Variants in BAZ1B observed in about 807,000 individuals in gnomAD.
BAZ1B encodes the protein tyrosine-protein kinase BAZ1B.
In BAZ1B, 22 loss-of-function variants were observed where a neutral mutation model predicts 153.8. The observed-to-expected ratio is 0.14, with a 90% CI of 0.10 to 0.20. The LOEUF (loss-of-function observed/expected upper bound fraction) is 0.20, where lower values mean the gene tolerates loss of function less well. BAZ1B is among the 10% of genes least tolerant of loss of function. The pLI is 1.00. For missense variants in BAZ1B, 1,325 were observed against 1,799.3 expected, an observed-to-expected ratio of 0.74 and a Z score of 4.77; for synonymous variants, 676 against 633.4, an observed-to-expected ratio of 1.07 and a Z score of -1.01.
intron 11 of BAZ1B, among the ~76,000 whole-genome samples, chr7:73,463,572 G>C (rs1173876131): frequency 6.6e-6 from 1 of 151,944 alleles, no homozygotes; most frequent in Non-Finnish European, 1.5e-5. Context: ...GGAAGGATTC[G>C]ATCTTCATAT....
chr7:73,476,228 G>A (rs1218262593), intron 7 of BAZ1B, among the ~76,000 whole-genome samples: 2 of 152,044 alleles, frequency 1.3e-5, no homozygotes, highest in African/African-American at 4.8e-5. Flanking sequence ...TTACAAAATT[G>A]GCAATGGTTG....
intron 4 of BAZ1B, among the ~76,000 whole-genome samples, chr7:73,493,897 C>G (rs1420105021): frequency 2.7e-5 from 4 of 149,682 alleles, no homozygotes; most frequent in Non-Finnish European, 3.0e-5. Flanking sequence ...TCAGAGATTG[C>G]AGATTGCAAG....
At position 73,442,504 on chromosome 7, in the gene BAZ1B, G is replaced by T. The variant is rs781968138; in HGVS notation, c.4144C>A (p.His1382Asn). 3 of 1,614,038 alleles carry T rather than the reference G, an allele frequency of 1.9e-6. No individual in the cohort carries two copies. Among genetic ancestry groups the T allele is most frequent in the Admixed American group, 1.7e-5 (1 of 60,000 alleles). Reference sequence around the variant, plus strand: ...TGCACTGTCTGAAAGTCCATGGGGTGCGTGATCACATCATAGTAGTCCTCG... The same window carrying T: ...TGCACTGTCTGAAAGTCCATGGGGTTCGTGATCACATCATAGTAGTCCTCG... Reference protein sequence around the residue: ...EAEDYYDVITHPMDFQTVQNK... With the variant: ...EAEDYYDVITNPMDFQTVQNK... The change falls in exon 19 of 20, where the codon CAC becomes AAC. Residue 1382 changes from histidine (H) to asparagine (N), a missense_variant. His to Asn is a moderately conservative substitution (Grantham distance 68). Around this residue, in one of 9 missense-constraint regions of BAZ1B, gnomAD observed 271 missense variants for 337.2 expected, o/e 0.80. Coordinates refer to ENST00000339594, the MANE Select transcript of BAZ1B (RefSeq NM_032408.4).
At chr7:73,457,199 A>T (rs1554569669) in intron 13 of BAZ1B, among the ~76,000 whole-genome samples, 2 of 151,906 alleles carry the variant, frequency 1.3e-5, no homozygotes, top group Non-Finnish European at 2.9e-5. Flanking sequence ...TTTTTTTGAG[A>T]TGGAGTTTTG....
chr7:73,463,717 G>T (rs528298366), intron 11 of BAZ1B, among the ~76,000 whole-genome samples: 1,718 of 146,860 alleles, frequency 0.012, 35 homozygotes, highest in African/African-American at 0.041. Context: ...TTTTTTTTTT[G>T]TTGTTTTTGA....
Position 73,508,370 on chromosome 7 carries a change from T to C in BAZ1B, c.326A>G (p.Glu109Gly). 1 of 1,613,998 alleles carries C rather than the reference T, an allele frequency of 6.2e-7. No homozygotes were observed. Among genetic ancestry groups the C allele is most frequent in the South Asian group, 1.1e-5 (1 of 91,052 alleles). The change falls in exon 3 of 20, where the codon GAG (glutamate) becomes GGG (glycine). Residue 109 changes from glutamate to glycine, a missense_variant. This residue lies in a region of BAZ1B where 153 missense variants were observed against 204.8 expected (regional missense o/e 0.75). Transcript: ENST00000339594. The stretch of plus-strand genomic sequence containing the variant: ...TCCCACAGCATATTTGGTCATGATC[T>C]CCAACCAAGCAGTATCTACTAACTT... ...LEKLVDTAWL[E>G]IMTKYAVGEE...
At chr7:73,513,601 G>A (rs1054493712) in intron 1 of BAZ1B, among the ~76,000 whole-genome samples, 2 of 152,066 alleles carry the variant, frequency 1.3e-5, no homozygotes, top group African/African-American at 4.8e-5. Flanking sequence ...ATCCCAAGAC[G>A]GATTTGTCTT....
chr7:73,470,148 C>T (rs1340746144), intron 8 of BAZ1B, among the ~76,000 whole-genome samples, 197 bp downstream of exon 8: 1 of 152,176 alleles, frequency 6.6e-6, no homozygotes, highest in Non-Finnish European at 1.5e-5. Context: ...TATGCAAGGG[C>T]AGGAATATGT....
intron 5 of BAZ1B, among the ~76,000 whole-genome samples, chr7:73,490,607 AT>A (rs34937645): frequency 3.3e-3 from 473 of 142,156 alleles, no homozygotes; most frequent in Middle Eastern, 3.8e-3. Context: ...AAAACTAAGC[AT>A]TTTTTTTTTT....
At chr7:73,515,529 T>TC (rs1203065307) in intron 1 of BAZ1B, among the ~76,000 whole-genome samples, 2 of 145,698 alleles carry the variant, frequency 1.4e-5, no homozygotes, top group Admixed American at 1.4e-4. Context: ...CCAGCCTTGT[T>TC]CCTTTTTTTT....
In BAZ1B at chr7:73,502,277, G is replaced by A. The variant is rs550766658; in HGVS notation, c.370-3579C>T. On this transcript the variant is annotated intron_variant, in intron 3 of 19. Coordinates refer to ENST00000339594, the MANE Select transcript of BAZ1B (RefSeq NM_032408.4). ...CCCAAAACATGCTATCTACATAGCC[G>A]GTCATCAATAAATATCTGGGATAAA... is the stretch of plus-strand genomic sequence containing the variant. Among the ~76,000 whole-genome samples the A allele has an allele frequency of 1.4e-4, 21 of 152,012 alleles. No homozygotes were observed. In the South Asian group the frequency reaches 1.9e-3, roughly 14 times the overall value.
intron 7 of BAZ1B, among the ~76,000 whole-genome samples, chr7:73,476,447 T>C (rs1220574423): frequency 6.6e-6 from 1 of 152,174 alleles, no homozygotes; most frequent in East Asian, 1.9e-4. Flanking sequence ...AAATACCTTG[T>C]CAATCAATTT....
chr7:73,509,006 C>A (rs1348020492), intron 2 of BAZ1B, among the ~76,000 whole-genome samples: 2 of 146,852 alleles, frequency 1.4e-5, no homozygotes, highest in African/African-American at 5.0e-5. Flanking sequence ...GAGCGAGATT[C>A]CATCTCAAAA....
chr7:73,512,555 G>C (rs1213873748), intron 1 of BAZ1B, among the ~76,000 whole-genome samples: 2 of 152,146 alleles, frequency 1.3e-5, no homozygotes, highest in Non-Finnish European at 2.9e-5. Flanking sequence ...GGAGACGAGG[G>C]AAAGAAAAAC....
Position 73,489,523 on chromosome 7 carries a change from A to G in BAZ1B, c.694-132T>C, listed in dbSNP as rs1583927254. Reference sequence around the variant, plus strand: ...TCAACAGGGCTACAAATTAGAAAGAAAAATATATAGGCCAGGGATGGTTTC... The same window carrying G: ...TCAACAGGGCTACAAATTAGAAAGAGAAATATATAGGCCAGGGATGGTTTC... On this transcript the variant is annotated intron_variant, in intron 5 of 19. Coordinates refer to ENST00000339594, the MANE Select transcript of BAZ1B (RefSeq NM_032408.4). 21 of 868,492 alleles carry G rather than the reference A, an allele frequency of 2.4e-5. No individual in the cohort carries two copies. The East Asian group carries it at 5.3e-4, about 22-fold the overall frequency. 53.8% of individuals were successfully genotyped at this position (868,492 alleles called of 1,614,324 possible).
intron 10 of BAZ1B, among the ~76,000 whole-genome samples, chr7:73,465,939 A>T (rs1788567593): frequency 6.6e-6 from 1 of 152,224 alleles, no homozygotes; most frequent in Admixed American, 6.5e-5. Context: ...CGCATAAAGG[A>T]AACGAATAGC....
chr7:73,515,386 G>A (rs782098942), intron 1 of BAZ1B, among the ~76,000 whole-genome samples: 6 of 152,014 alleles, frequency 3.9e-5, no homozygotes, highest in Non-Finnish European at 7.4e-5. Context: ...GACTGGTTTC[G>A]ACCAATAGAT....
rs1478538562 is a variant in BAZ1B, at chr7:73,478,054, T to C, written c.1407A>G (p.Lys469=). The change falls in exon 7 of 20, where the codon AAA becomes AAG. Residue 469 remains lysine, a synonymous_variant. Transcript: ENST00000339594. ...GTPRTSSKPH[K]HLPPAALHLI... is the part of the protein sequence containing the mutation. ...GGTGTAGGGCTGCAGGAGGCAGATG[T>C]TTATGAGGTTTACTAGAGGTCCTAG... 4 of 1,614,014 alleles carry C rather than the reference T, an allele frequency of 2.5e-6. No individual in the cohort carries two copies. Among genetic ancestry groups the C allele is most frequent in the Non-Finnish European group, 2.5e-6 (3 of 1,180,026 alleles).
At chr7:73,484,786 C>G (rs1448679107) in intron 6 of BAZ1B, among the ~76,000 whole-genome samples, 1 of 151,876 alleles carries the variant, frequency 6.6e-6, no homozygotes, top group African/African-American at 2.4e-5. Flanking sequence ...AGAAATAAAC[C>G]AAAATCAAAG....
Sources: allele counts gnomAD v4.1 joint callset (sites outside exome capture counted in the v4.1 genomes callset), GRCh38; gene constraint gnomAD v4.1.1; regional missense constraint gnomAD v4.1.1; transcripts MANE v1.5; gene names NCBI Gene and HGNC (gene_info 2026-07-23, HGNC 2026-07-21).